AGA: variants seen among roughly 807,000 people sequenced by gnomAD.
AGA encodes N(4)-(beta-N-acetylglucosaminyl)-L-asparaginase.
In AGA, 31 loss-of-function variants were observed where a neutral mutation model predicts 40.1. That is an observed-to-expected ratio of 0.77 (90% CI 0.58 to 1.04). AGA has a LOEUF of 1.04. Ranked by LOEUF, AGA falls within the 50% of genes least tolerant of loss-of-function variation. AGA has a pLI of 0.00. For missense variants in AGA, 445 were observed against 435.4 expected (o/e 1.02, Z -0.20); for synonymous variants, 148 against 144.0 (o/e 1.03, Z -0.20).
chr4:177,437,622 C>T (rs749026301), intron 4 of AGA, 103 bp from the exon 5 acceptor site: 38 of 744,694 alleles, frequency 5.1e-5, no homozygotes, highest in Non-Finnish European at 8.0e-5. Context: ...CAAAAAAAGA[C>T]ATCTGGTAAC....
chr4:177,442,376 C>T lies in AGA; in HGVS notation c.-1G>A, dbSNP rs376050862. 75 of 1,613,934 alleles carry T rather than the reference C, an allele frequency of 4.6e-5. No individual in the cohort carries two copies. The highest frequency in any genetic ancestry group is 6.0e-5 in the Non-Finnish European group (71 of 1,179,944). On this transcript the variant is annotated 5_prime_UTR_variant, in exon 1 of 9. Transcript: ENST00000264595. ...CAGGCAAGTTCGACTTCCGCGCCATCCCTGACCACCGAAGAGACCAGCGCG... is the reference window on the plus strand; with the variant it reads ...CAGGCAAGTTCGACTTCCGCGCCATTCCTGACCACCGAAGAGACCAGCGCG...
chr4:177,434,229 C>T (rs566354007), intron 7 of AGA, among the ~76,000 whole-genome samples, 153 bp downstream of exon 7: 1 of 152,118 alleles, frequency 6.6e-6, no homozygotes, highest in East Asian at 1.9e-4. Flanking sequence ...TCTCAAACTC[C>T]TGACCTCAGG....
rs1176752657 is a variant in AGA at position 177,430,806 on chromosome 4, CTGT to C, written c.*899_*901del. ...ATCGTACATGTACATTTATTAATGACTGTTGATTAAAAAGATGATTTTGAAGGA... is the reference window on the plus strand; with the variant it reads ...ATCGTACATGTACATTTATTAATGACTGATTAAAAAGATGATTTTGAAGGA... On this transcript the variant is annotated 3_prime_UTR_variant, in exon 9 of 9. Coordinates refer to ENST00000264595, the MANE Select transcript of AGA (RefSeq NM_000027.4). 5 of 453,734 alleles carry C rather than the reference CTGT, an allele frequency of 1.1e-5. No homozygotes were observed. The highest frequency in any genetic ancestry group is 1.8e-5 in the Non-Finnish European group (4 of 226,628). The allele number at this position is 453,734 out of a possible 1,614,324, so 28.1% of individuals were successfully genotyped here.
Position 177,431,258 on chromosome 4 carries a change from T to C in AGA, c.*450A>G. 1 of 437,970 alleles carries C rather than the reference T, an allele frequency of 2.3e-6. No individual in the cohort carries two copies. Among genetic ancestry groups the C allele is most frequent in the Admixed American group, 2.6e-5 (1 of 38,308 alleles). The allele number at this position is 437,970 out of a possible 1,614,324, so 27.1% of individuals were successfully genotyped here. On this transcript the variant is annotated 3_prime_UTR_variant, in exon 9 of 9. Transcript: ENST00000264595. Reference sequence around the variant, plus strand: ...AAAACCAATAATCAGTGCTAAGACATGCATCACTGTGACATAATGAAATTC... The same window carrying C: ...AAAACCAATAATCAGTGCTAAGACACGCATCACTGTGACATAATGAAATTC...
rs886059258 is a variant in AGA at position 177,430,840 on chromosome 4, G to C, written c.*868C>G. 8.8e-6 allele frequency: 4 copies of C among 454,024 alleles called. No homozygotes were observed. Among genetic ancestry groups the C allele is most frequent in the South Asian group, 6.2e-5 (4 of 64,474 alleles). 28.1% of individuals were successfully genotyped at this position (454,024 alleles called of 1,614,324 possible). A position where few individuals can be genotyped will look rare whatever the true frequency, so the allele number is the denominator to read the frequency against. On this transcript the variant is annotated 3_prime_UTR_variant, in exon 9 of 9. Coordinates refer to ENST00000264595, the MANE Select transcript of AGA (RefSeq NM_000027.4). The stretch of plus-strand genomic sequence containing the variant: ...AAAAAGATGATTTTGAAGGAAAAAT[G>C]CTGCTGAGAAAGCACGCGCACAACT...
rs763679698 is a variant in AGA, at chr4:177,442,300, G to A, written c.76C>T (p.Pro26Ser). 19 of 1,613,962 alleles carry A rather than the reference G, an allele frequency of 1.2e-5. No homozygotes were observed. The South Asian group carries it at 2.1e-4, about 18-fold the overall frequency. ...LCQALVRCSS[P>S]LPLVVNTWPF... ...CAAGTGTTGACGACCAGGGGCAGAG[G>A]GCTGGAGCAGCGCACTAGGGCCTGG... The change falls in exon 1 of 9, where the codon CCT becomes TCT. Residue 26 changes from proline to serine, a missense_variant. Coordinates refer to ENST00000264595, the MANE Select transcript of AGA (RefSeq NM_000027.4).
At chr4:177,440,498 C>T in intron 1 of AGA, 72 bp from the exon 2 acceptor site, 1 of 1,513,718 alleles carries the variant, frequency 6.6e-7, no homozygotes, top group Non-Finnish European at 9.0e-7. Flanking sequence ...AACAAACCAA[C>T]TCCAATTTAA....
intron 7 of AGA, among the ~76,000 whole-genome samples, chr4:177,433,934 A>C (rs1736710609): frequency 6.6e-6 from 1 of 151,776 alleles, no homozygotes; most frequent in Non-Finnish European, 1.5e-5. Flanking sequence ...GTTTGTATGC[A>C]GTTTCTAAGA....
intron 6 of AGA, among the ~76,000 whole-genome samples, chr4:177,434,831 CCA>C (rs1436069679): frequency 6.6e-6 from 1 of 152,026 alleles, no homozygotes; most frequent in Non-Finnish European, 1.5e-5. Flanking sequence ...AGGGTAAGTT[CCA>C]GAGGCCTACT....
intron 6 of AGA, among the ~76,000 whole-genome samples, chr4:177,435,722 C>T (rs1436126372): frequency 2.0e-5 from 3 of 151,950 alleles, no homozygotes; most frequent in African/African-American, 7.3e-5. Context: ...CACACCCCTT[C>T]TTCCCTAGCC....
intron 6 of AGA, among the ~76,000 whole-genome samples, chr4:177,436,032 T>C (rs1053050106): frequency 2.6e-5 from 4 of 152,146 alleles, no homozygotes; most frequent in African/African-American, 9.7e-5. Context: ...GCTCCAAGCA[T>C]CACTTTACTG....
chr4:177,442,268 AAAGGGCC>A lies in AGA; in HGVS notation c.101_107del (p.Trp34LeufsTer12), dbSNP rs759063638. 1.7e-5 allele frequency: 27 copies of A among 1,613,802 alleles called. No homozygotes were observed. Among genetic ancestry groups the A allele is most frequent in the Non-Finnish European group, 2.1e-5 (25 of 1,179,902 alleles). ...CCGCACCTGCTTCGGTTGCATTCTT[AAAGGGCC>A]AAGTGTTGACGACCAGGGGCAGAGG... On this transcript the variant is annotated frameshift_variant, in exon 1 of 9. Coordinates refer to ENST00000264595, the MANE Select transcript of AGA (RefSeq NM_000027.4). LOFTEE classifies it high-confidence loss of function.
intron 8 of AGA, 94 bp downstream of exon 8, chr4:177,433,120 G>T (rs1736680432): frequency 5.2e-6 from 8 of 1,539,664 alleles, no homozygotes; most frequent in South Asian, 2.2e-5. Flanking sequence ...TTTTTCTATT[G>T]AATATAGTGT....
At chr4:177,441,995 C>T (rs1039305744) in intron 1 of AGA, among the ~76,000 whole-genome samples, 4 of 152,212 alleles carry the variant, frequency 2.6e-5, no homozygotes, top group Non-Finnish European at 5.9e-5. Flanking sequence ...GTGGAAAATA[C>T]ATTGCGCTGG....
intron 8 of AGA, among the ~76,000 whole-genome samples, chr4:177,432,969 T>C (rs1736676900): frequency 6.6e-6 from 1 of 152,202 alleles, no homozygotes; most frequent in Non-Finnish European, 1.5e-5. Context: ...TTAAGACACA[T>C]GTGAAAGATA....
intron 1 of AGA, 84 bp from the exon 2 acceptor site, chr4:177,440,510 A>G (rs1736964632): frequency 6.9e-7 from 1 of 1,452,500 alleles, no homozygotes; most frequent in Non-Finnish European, 9.4e-7. Flanking sequence ...CCAATTTAAC[A>G]ACTTTTTCAC....
chr4:177,433,450 G>T, intron 7 of AGA, 103 bp from the exon 8 acceptor site: 1 of 1,323,650 alleles, frequency 7.6e-7, no homozygotes, highest in Non-Finnish European at 1.1e-6. Context: ...TGCCACATGT[G>T]ATAGAATACA....
intron 8 of AGA, among the ~76,000 whole-genome samples, chr4:177,432,454 A>G (rs867420983): frequency 2.0e-5 from 3 of 152,190 alleles, no homozygotes; most frequent in Non-Finnish European, 2.9e-5. Context: ...GCCTTATTTG[A>G]TACATAAAGC....
chr4:177,442,384 A>C lies in AGA; in HGVS notation c.-9T>G. 6.2e-7 allele frequency: 1 copy of C among 1,613,858 alleles called. No homozygotes were observed. Among genetic ancestry groups the C allele is most frequent in the Non-Finnish European group, 8.5e-7 (1 of 1,179,890 alleles). On this transcript the variant is annotated 5_prime_UTR_variant, in exon 1 of 9. Coordinates refer to ENST00000264595, the MANE Select transcript of AGA (RefSeq NM_000027.4). ...TTCGACTTCCGCGCCATCCCTGACCACCGAAGAGACCAGCGCGAGAAAAGT... is the reference window on the plus strand; with the variant it reads ...TTCGACTTCCGCGCCATCCCTGACCCCCGAAGAGACCAGCGCGAGAAAAGT...
Sources: gnomAD v4.1 joint callset for allele counts (sites outside exome capture counted in the v4.1 genomes callset) on GRCh38, gnomAD v4.1.1 for gene constraint, MANE v1.5 for transcripts, NCBI Gene and HGNC (gene_info 2026-07-23, HGNC 2026-07-21) for gene names.